PIBF1: variants seen among roughly 807,000 people sequenced by gnomAD.
PIBF1 encodes the protein progesterone-induced-blocking factor 1.
Under a neutral mutation model 112.5 loss-of-function variants are expected in PIBF1, and 90 were observed. The observed-to-expected ratio is 0.80, with a 90% CI of 0.67 to 0.95. The LOEUF is 0.95. PIBF1 is among the 40% of genes least tolerant of loss of function. The pLI is 0.00. For synonymous variants in PIBF1, 301 were observed against 288.6 expected, an observed-to-expected ratio of 1.04 and a Z score of -0.44; for missense variants, 915 against 852.3, an observed-to-expected ratio of 1.07 and a Z score of -0.92.
chr13:72,859,238 G>C (rs12871150), intron 10 of PIBF1, among the ~76,000 whole-genome samples: 41,897 of 151,956 alleles, frequency 0.28, 6,876 homozygotes, highest in East Asian at 0.48. Flanking sequence ...TAAAAATAAA[G>C]AAGACTACAT....
At chr13:73,012,178 C>T (rs931511536) in intron 17 of PIBF1, among the ~76,000 whole-genome samples, 1 of 152,010 alleles carries the variant, frequency 6.6e-6, no homozygotes, top group Non-Finnish European at 1.5e-5. Flanking sequence ...ATGGTGAAAC[C>T]CCATCTCTAC....
intron 5 of PIBF1, among the ~76,000 whole-genome samples, chr13:72,813,540 C>G (rs1347562237): frequency 6.6e-6 from 1 of 152,136 alleles, no homozygotes; most frequent in Non-Finnish European, 1.5e-5. Context: ...TCTTTAGTCA[C>G]CAGTTTGGAG....
At chr13:72,971,445 G>T (rs570926752) in intron 15 of PIBF1, among the ~76,000 whole-genome samples, 122 of 152,226 alleles carry the variant, frequency 8.0e-4, no homozygotes, top group African/African-American at 2.8e-3. Context: ...GACTCTAGCA[G>T]AACATGGCAC....
chr13:72,926,541 A>G (rs1349870750), intron 13 of PIBF1, among the ~76,000 whole-genome samples: 1 of 152,224 alleles, frequency 6.6e-6, no homozygotes, highest in Non-Finnish European at 1.5e-5. Flanking sequence ...CACTACTGAT[A>G]GAGCACTCTT....
At chr13:72,974,460 T>C (rs2042971319) in intron 16 of PIBF1, among the ~76,000 whole-genome samples, 1 of 152,224 alleles carries the variant, frequency 6.6e-6, no homozygotes, top group Non-Finnish European at 1.5e-5. Flanking sequence ...ATTATCAGTA[T>C]ATAGCCTTTT....
At chr13:73,010,360 T>C (rs1007634174) in intron 17 of PIBF1, among the ~76,000 whole-genome samples, 11 of 151,892 alleles carry the variant, frequency 7.2e-5, no homozygotes, top group African/African-American at 2.4e-4. Flanking sequence ...CCTAGCACTT[T>C]GGGAGGCCGA....
At chr13:72,960,196 T>C (rs913722564) in intron 14 of PIBF1, among the ~76,000 whole-genome samples, 2 of 152,204 alleles carry the variant, frequency 1.3e-5, no homozygotes, top group Non-Finnish European at 2.9e-5. Context: ...TTATAGGTTT[T>C]ATGTTAAAGA....
chr13:72,905,540 A>G (rs1021828783), intron 11 of PIBF1, among the ~76,000 whole-genome samples: 2 of 152,190 alleles, frequency 1.3e-5, no homozygotes. Flanking sequence ...TAAAAAGACA[A>G]GCAAAATTTG....
At chr13:72,911,960 TAGAAAAAA>T (rs1413876851) in intron 12 of PIBF1, among the ~76,000 whole-genome samples, 1 of 141,460 alleles carries the variant, frequency 7.1e-6, no homozygotes, top group African/African-American at 2.7e-5. Flanking sequence ...ACCCCATCTC[TAGAAAAAA>T]AGAGAAAGAG....
At chr13:72,894,953 C>T (rs544657484) in intron 11 of PIBF1, among the ~76,000 whole-genome samples, 131 of 151,476 alleles carry the variant, frequency 8.6e-4, no homozygotes, top group African/African-American at 2.9e-3. Flanking sequence ...GGTGAAACCT[C>T]GTCTACTACT....
intron 11 of PIBF1, among the ~76,000 whole-genome samples, chr13:72,894,772 A>ATAGTGTGTGTGTGT (rs1491462402): frequency 9.4e-4 from 129 of 137,206 alleles, no homozygotes; most frequent in African/African-American, 3.6e-3. Context: ...ATATATATAT[A>ATAGTGTGTGTGTGT]GTGTGTGTGT....
intron 10 of PIBF1, among the ~76,000 whole-genome samples, chr13:72,882,983 G>T (rs2039703886): frequency 6.6e-6 from 1 of 152,082 alleles, no homozygotes; most frequent in African/African-American, 2.4e-5. Flanking sequence ...TTTAGTTTTT[G>T]TGTATATCCC....
intron 10 of PIBF1, among the ~76,000 whole-genome samples, chr13:72,868,517 A>T (rs1047880753): frequency 2.6e-5 from 4 of 152,190 alleles, no homozygotes; most frequent in African/African-American, 7.2e-5. Flanking sequence ...TATGATAAAT[A>T]ACCTGTCATT....
chr13:72,884,909 A>G (rs1267401414), intron 10 of PIBF1, among the ~76,000 whole-genome samples: 2 of 152,084 alleles, frequency 1.3e-5, no homozygotes, highest in East Asian at 3.9e-4. Context: ...TTTAGTTCTT[A>G]TTATGTGATT....
intron 13 of PIBF1, among the ~76,000 whole-genome samples, chr13:72,921,464 AAC>A (rs1207244654): frequency 1.3e-5 from 2 of 152,140 alleles, no homozygotes; most frequent in East Asian, 3.9e-4. Context: ...CATCCAAAAT[AAC>A]CACTCGGAAA....
intron 9 of PIBF1, among the ~76,000 whole-genome samples, chr13:72,847,414 C>T (rs939917094): frequency 2.6e-5 from 4 of 152,178 alleles, no homozygotes; most frequent in Admixed American, 1.3e-4. Context: ...CAAGAGCCTT[C>T]TCACTACATT....
chr13:72,900,572 C>T (rs192029707), intron 11 of PIBF1, among the ~76,000 whole-genome samples: 176 of 152,290 alleles, frequency 1.2e-3, no homozygotes, highest in Non-Finnish European at 1.9e-3. Flanking sequence ...ACTGGATCCT[C>T]ATCTCTCACC....
intron 16 of PIBF1, among the ~76,000 whole-genome samples, chr13:72,988,322 TC>T (rs996027870): frequency 3.9e-5 from 6 of 152,030 alleles, no homozygotes; most frequent in Non-Finnish European, 7.4e-5. Context: ...CCTCTCTTCC[TC>T]CCTCCAGACC....
intron 10 of PIBF1, among the ~76,000 whole-genome samples, chr13:72,860,190 T>C (rs1230516245): frequency 6.6e-6 from 1 of 152,114 alleles, no homozygotes; most frequent in Non-Finnish European, 1.5e-5. Flanking sequence ...GTGACAACCG[T>C]GTAAAAGAGT....
Sources: gnomAD v4.1 joint callset for allele counts (sites outside exome capture counted in the v4.1 genomes callset) on GRCh38, gnomAD v4.1.1 for gene constraint, MANE v1.5 for transcripts, NCBI Gene and HGNC (gene_info 2026-07-23, HGNC 2026-07-21) for gene names.